REV3L: variants seen among roughly 807,000 people sequenced by gnomAD.
REV3L encodes DNA polymerase zeta catalytic subunit.
In REV3L, 69 loss-of-function variants were observed where a neutral mutation model predicts 299.4. The ratio of observed to expected loss-of-function variants is 0.23; its 90% CI spans 0.19 to 0.28. The LOEUF (loss-of-function observed/expected upper bound fraction) is 0.28, where lower values mean the gene tolerates loss of function less well. REV3L is among the 10% of genes least tolerant of loss of function. The probability of loss-of-function intolerance (pLI) is 1.00; values close to 1 mark genes in which losing one functional copy is unlikely to be tolerated. For synonymous variants in REV3L, 1,238 were observed against 1,271.4 expected (o/e 0.97, Z 0.56); for missense variants, 3,128 against 3,693.8 (o/e 0.85, Z 3.97).
intron 11 of REV3L, among the ~76,000 whole-genome samples, chr6:111,378,619 G>C (rs922542874): frequency 1.3e-5 from 2 of 151,944 alleles, no homozygotes; most frequent in African/African-American, 2.4e-5. Flanking sequence ...TCTGTATAAG[G>C]GGCTTGCTGT....
At position 111,478,653 on chromosome 6, in the gene REV3L, T is replaced by C. The variant is rs1793236534; in HGVS notation, c.139+4097A>G. Among the ~76,000 whole-genome samples, 5 of 151,802 alleles carry C rather than the reference T, an allele frequency of 3.3e-5. No individual in the cohort carries two copies. The South Asian group carries it at 1.0e-3, about 31-fold the overall frequency. On this transcript the variant is annotated intron_variant, in intron 1 of 31. Transcript: ENST00000368802. ...CCAAAAAAAAAAAAAAAGGTTATTC[T>C]GGTAGTTTCTTATATTTAATTTTAT...
chr6:111,376,759 T>C lies in REV3L; in HGVS notation c.1598-2A>G. Reference sequence around the variant, plus strand: ...AATTTTCATTGTTCAATGGATTGTCTGAAATGAGGAGGGAAAAACAGTTTA... The same window carrying C: ...AATTTTCATTGTTCAATGGATTGTCCGAAATGAGGAGGGAAAAACAGTTTA... On this transcript the variant is annotated splice_acceptor_variant, in intron 12 of 31. Transcript: ENST00000368802. LOFTEE classifies it high-confidence loss of function. 2 of 1,548,900 alleles carry C rather than the reference T, an allele frequency of 1.3e-6. No homozygotes were observed. The highest frequency in any genetic ancestry group is 2.1e-5 in the Admixed American group (1 of 48,466).
intron 1 of REV3L, among the ~76,000 whole-genome samples, chr6:111,457,543 T>A (rs1373174922): frequency 6.6e-6 from 1 of 151,784 alleles, no homozygotes; most frequent in Non-Finnish European, 1.5e-5. Context: ...AAGAAGCCTA[T>A]GTCTCTAAAA....
intron 1 of REV3L, among the ~76,000 whole-genome samples, chr6:111,419,486 C>G (rs951408327): frequency 6.6e-6 from 1 of 152,186 alleles, no homozygotes; most frequent in Non-Finnish European, 1.5e-5. Flanking sequence ...TCCGCTAGCT[C>G]TACCTCACAC....
At position 111,373,572 on chromosome 6, in the gene REV3L, T is replaced by A; in HGVS notation, c.4783A>T (p.Ile1595Phe). ...TPRSTKQKEKIPKLLKVDSLN... is the reference protein window; with the variant it reads ...TPRSTKQKEKFPKLLKVDSLN... Reference sequence around the variant, plus strand: ...GAGTCTACTTTGAGAAGTTTGGGGATTTTTTCTTTTTGTTTTGTACTTCTG... The same window carrying A: ...GAGTCTACTTTGAGAAGTTTGGGGAATTTTTCTTTTTGTTTTGTACTTCTG... The change falls in exon 13 of 32, where the codon ATC becomes TTC. Residue 1595 changes from isoleucine to phenylalanine, a missense_variant. Around this residue, in one of 9 missense-constraint regions of REV3L, gnomAD observed 2,409 missense variants for 2,611.8 expected, o/e 0.92. Coordinates refer to ENST00000368802, the MANE Select transcript of REV3L (RefSeq NM_001372078.1). 1 of 1,613,998 alleles carries A rather than the reference T, an allele frequency of 6.2e-7. No individual in the cohort carries two copies. The highest frequency in any genetic ancestry group is 8.5e-7 in the Non-Finnish European group (1 of 1,179,958).
intron 20 of REV3L, among the ~76,000 whole-genome samples, chr6:111,348,108 T>G (rs1389316676): frequency 6.6e-6 from 1 of 151,932 alleles, no homozygotes; most frequent in African/African-American, 2.4e-5. Flanking sequence ...AACCTAATTG[T>G]TTTTTATTTT....
At chr6:111,328,690 T>C (rs1775081021) in intron 25 of REV3L, among the ~76,000 whole-genome samples, 1 of 152,224 alleles carries the variant, frequency 6.6e-6, no homozygotes, top group African/African-American at 2.4e-5. Context: ...ACTGATGTTA[T>C]GTCATAGAAA....
At chr6:111,467,300 A>AC (rs1466464377) in intron 1 of REV3L, among the ~76,000 whole-genome samples, 1 of 152,214 alleles carries the variant, frequency 6.6e-6, no homozygotes, top group Non-Finnish European at 1.5e-5. Flanking sequence ...TGTCTCTGCC[A>AC]CCTTCTTCCT....
chr6:111,419,616 TA>T (rs918901838), intron 1 of REV3L, among the ~76,000 whole-genome samples: 14 of 152,156 alleles, frequency 9.2e-5, no homozygotes, highest in Admixed American at 3.9e-4. Flanking sequence ...GATTTAGCAT[TA>T]AAATTAGTGG....
intron 1 of REV3L, among the ~76,000 whole-genome samples, chr6:111,479,575 T>C (rs1450615646): frequency 6.7e-6 from 1 of 148,592 alleles, no homozygotes; most frequent in Non-Finnish European, 1.5e-5. Flanking sequence ...AGTGGCGTGA[T>C]CTTGGCTCAC....
rs3218605 is a variant in REV3L, at chr6:111,387,651, C to T, written c.1096+114G>A. On this transcript the variant is annotated intron_variant, in intron 9 of 31. Coordinates refer to ENST00000368802, the MANE Select transcript of REV3L (RefSeq NM_001372078.1). ...GAATGGGAGAAATTTTTGCTATATC[C>T]ACAATATTTATTTCATAGGGAAAAA... 6.3e-3 allele frequency: 6,515 copies of T among 1,033,768 alleles called. 117 individuals carry two copies. Among genetic ancestry groups the T allele is most frequent in the Admixed American group, 0.055 (2,199 of 40,016 alleles). The allele number at this position is 1,033,768 out of a possible 1,614,324, so 64.0% of individuals were successfully genotyped here.
At chr6:111,392,741 T>G in intron 5 of REV3L, 135 bp downstream of exon 5, 1 of 533,722 alleles carries the variant, frequency 1.9e-6, no homozygotes, top group Non-Finnish European at 3.3e-6. Context: ...AATGTCAAGG[T>G]TTGTTTCTGT....
intron 1 of REV3L, among the ~76,000 whole-genome samples, chr6:111,470,932 AT>A (rs967059931): frequency 2.6e-5 from 4 of 152,166 alleles, no homozygotes; most frequent in African/African-American, 9.7e-5. Flanking sequence ...CGGAGCCAAG[AT>A]TGTGCCACTA....
At chr6:111,356,098 G>A (rs907829378) in intron 18 of REV3L, among the ~76,000 whole-genome samples, 2 of 152,052 alleles carry the variant, frequency 1.3e-5, no homozygotes, top group Admixed American at 1.3e-4. Flanking sequence ...AATTTTTCAT[G>A]TAGAATACTG....
At position 111,309,936 on chromosome 6, in the gene REV3L, T is replaced by C; in HGVS notation, c.8959A>G (p.Thr2987Ala). 4 of 1,614,000 alleles carry C rather than the reference T, an allele frequency of 2.5e-6. No homozygotes were observed. Among genetic ancestry groups the C allele is most frequent in the Non-Finnish European group, 3.4e-6 (4 of 1,179,962 alleles). ...GCCAAGGGTGGAAGGATTTGCTTGG[T>C]AATATAGTAAGTAGCATTCAGTCTC... Reference protein sequence around the residue: ...TLRLNATYYITKQILPPLARI... With the variant: ...TLRLNATYYIAKQILPPLARI... Residue 2987 changes from threonine (T) to alanine (A), a missense_variant, in exon 30 of 32, where the codon ACC (threonine) becomes GCC (alanine). Thr to Ala is a moderately conservative substitution (Grantham distance 58, BLOSUM62 0). This residue lies in a region of REV3L where 294 missense variants were observed against 377.0 expected (regional missense o/e 0.78). Transcript: ENST00000368802.
intron 1 of REV3L, chr6:111,431,292 C>A: frequency 7.7e-7 from 1 of 1,305,186 alleles, no homozygotes; most frequent in Non-Finnish European, 1.1e-6. Flanking sequence ...GAAGGCCATA[C>A]TAGGACACCT....
At chr6:111,479,173 C>T (rs888254067) in intron 1 of REV3L, among the ~76,000 whole-genome samples, 2 of 152,152 alleles carry the variant, frequency 1.3e-5, no homozygotes, top group Admixed American at 1.3e-4. Flanking sequence ...GTGGTCACAC[C>T]TATATTCAAA....
At chr6:111,412,779 A>AC (rs959323763) in intron 2 of REV3L, among the ~76,000 whole-genome samples, 11 of 151,582 alleles carry the variant, frequency 7.3e-5, no homozygotes, top group East Asian at 1.9e-4. Context: ...AAAAAAAAAA[A>AC]AACAACTATT....
intron 1 of REV3L, among the ~76,000 whole-genome samples, chr6:111,448,968 A>G (rs1789189087): frequency 6.6e-6 from 1 of 152,058 alleles, no homozygotes; most frequent in South Asian, 2.1e-4. Context: ...CACCTGGCCA[A>G]TTACAGCTTT....
Sources: allele counts gnomAD v4.1 joint callset (sites outside exome capture counted in the v4.1 genomes callset), GRCh38; gene constraint gnomAD v4.1.1; regional missense constraint gnomAD v4.1.1; transcripts MANE v1.5; gene names NCBI Gene and HGNC (gene_info 2026-07-23, HGNC 2026-07-21).